The following PROK2 variants were observed in gnomAD, a reference collection of about 807,000 sequenced individuals.
The protein encoded by PROK2 is prokineticin 2.
PROK2 carries 8 observed loss-of-function variants against 14.2 expected under a neutral mutation model. The observed-to-expected ratio is 0.56, with a 90% CI of 0.33 to 1.02. PROK2 has a LOEUF of 1.02. PROK2 is among the 50% of genes least tolerant of loss of function. The probability of loss-of-function intolerance (pLI) is 0.03; values close to 1 mark genes in which losing one functional copy is unlikely to be tolerated. For synonymous variants in PROK2, 59 were observed against 60.7 expected (o/e 0.97, Z 0.13); for missense variants, 154 against 160.4 (o/e 0.96, Z 0.22).
In PROK2 at chr3:71,780,611, G is replaced by A. The variant is rs561601132; in HGVS notation, c.222+856C>T. Among the ~76,000 whole-genome samples the A allele has an allele frequency of 4.6e-5, 7 of 152,310 alleles. No homozygotes were observed. In the South Asian group the frequency reaches 1.2e-3, roughly 27 times the overall value. On this transcript the variant is annotated intron_variant, in intron 2 of 3. Transcript: ENST00000295619. ...GGCACTTTACCAATGGGAAAAATGC[G>A]GAGGTGGGACCAGAGGAAGGCAATG...
intron 2 of PROK2, among the ~76,000 whole-genome samples, chr3:71,776,740 C>T (rs1018480595): frequency 6.6e-6 from 1 of 152,160 alleles, no homozygotes; most frequent in Admixed American, 6.6e-5. Context: ...GACTGGCCCA[C>T]TCACTTCTAG....
At chr3:71,773,411 C>T (rs1372860698) in intron 3 of PROK2, among the ~76,000 whole-genome samples, 2 of 152,172 alleles carry the variant, frequency 1.3e-5, no homozygotes, top group Non-Finnish European at 2.9e-5. Context: ...TGGCCAAGGT[C>T]ACTTATGTAA....
At chr3:71,776,364 ATTTTTTTTTTTT>A (rs58407323) in intron 2 of PROK2, among the ~76,000 whole-genome samples, 1 of 75,442 alleles carries the variant, frequency 1.3e-5, no homozygotes, top group African/African-American at 5.1e-5. Context: ...TTCGCTTTTC[ATTTTTTTTTTTT>A]TTTTTTTTTT....
intron 2 of PROK2, among the ~76,000 whole-genome samples, chr3:71,779,511 T>C (rs980692515): frequency 6.6e-6 from 1 of 152,230 alleles, no homozygotes; most frequent in African/African-American, 2.4e-5. Flanking sequence ...CATAGTTCCA[T>C]GGGATATGTC....
At chr3:71,784,889 C>G (rs908802066) in intron 1 of PROK2, 68 bp downstream of exon 1, 14 of 1,184,072 alleles carry the variant, frequency 1.2e-5, no homozygotes, top group Non-Finnish European at 1.4e-5. Context: ...TCAGGGTCCC[C>G]GTCCCAAGCC....
intron 1 of PROK2, among the ~76,000 whole-genome samples, chr3:71,781,880 C>G (rs2050163124): frequency 6.6e-6 from 1 of 151,880 alleles, no homozygotes; most frequent in East Asian, 1.9e-4. Flanking sequence ...CTCTCTTTTT[C>G]CAGTGCTTTA....
intron 2 of PROK2, among the ~76,000 whole-genome samples, chr3:71,775,465 T>C (rs754020691): frequency 6.6e-5 from 10 of 152,202 alleles, no homozygotes; most frequent in Non-Finnish European, 1.2e-4. Context: ...CATGACACTA[T>C]GATCATTCTC....
rs889328207 is a variant in PROK2, at chr3:71,774,343, C to T, written c.285+102G>A. On this transcript the variant is annotated intron_variant, in intron 3 of 3. Coordinates refer to ENST00000295619, the MANE Select transcript of PROK2 (RefSeq NM_001126128.2). ...GAACCATTCTAATCTTATGTTGGGG[C>T]TGAACTGATAGGACAGACCCAACTC... The T allele has an allele frequency of 8.5e-6, 13 of 1,534,602 alleles. No individual in the cohort carries two copies. In the African/African-American group the frequency reaches 1.7e-4, roughly 20 times the overall value.
chr3:71,776,696 T>C (rs2108192502), intron 2 of PROK2, among the ~76,000 whole-genome samples: 1 of 152,238 alleles, frequency 6.6e-6, no homozygotes, highest in Middle Eastern at 3.4e-3. Flanking sequence ...TGATTTCTGA[T>C]ATTATACACT....
intron 3 of PROK2, among the ~76,000 whole-genome samples, chr3:71,773,825 G>A (rs1317707172): frequency 1.3e-5 from 2 of 152,200 alleles, no homozygotes; most frequent in African/African-American, 2.4e-5. Context: ...AGGGTCAACC[G>A]ACAGCGAGCA....
At chr3:71,778,525 T>C (rs1215364337) in intron 2 of PROK2, among the ~76,000 whole-genome samples, 1 of 152,102 alleles carries the variant, frequency 6.6e-6, no homozygotes, top group Non-Finnish European at 1.5e-5. Context: ...ACTGTTCACT[T>C]GACCCAAATA....
chr3:71,774,418 G>T (rs2050102950), intron 3 of PROK2, 27 bp downstream of exon 3: 2 of 1,551,536 alleles, frequency 1.3e-6, no homozygotes, highest in Non-Finnish European at 1.7e-6. Context: ...ATGTCTTTCG[G>T]TGGTACCACA....
intron 2 of PROK2, among the ~76,000 whole-genome samples, chr3:71,776,199 G>A (rs2050116494): frequency 2.0e-5 from 3 of 152,014 alleles, no homozygotes; most frequent in Non-Finnish European, 4.4e-5. Flanking sequence ...TGCCTTGACT[G>A]ACCCTAACAT....
chr3:71,772,933 G>A, intron 3 of PROK2, 105 bp from the exon 4 acceptor site: 1 of 898,632 alleles, frequency 1.1e-6, no homozygotes, highest in Non-Finnish European at 1.8e-6. Flanking sequence ...AGTGTTTACT[G>A]AGCGTTAACT....
rs139498139 is a variant in PROK2 at position 71,773,651 on chromosome 3, G to A, written c.285+794C>T. On this transcript the variant is annotated intron_variant, in intron 3 of 3. Transcript: ENST00000295619. ...TTCATACATTTGCACACAGATGCCA[G>A]GAGTCAAAATGCTGGGAAAAAACTT... Among the ~76,000 whole-genome samples, 361 of 152,292 alleles carry A rather than the reference G, an allele frequency of 2.4e-3. 1 individual carries two copies. Among genetic ancestry groups the A allele is most frequent in the Non-Finnish European group, 3.8e-3 (258 of 68,022 alleles).
chr3:71,774,377 T>C, intron 3 of PROK2, 68 bp downstream of exon 3: 1 of 1,550,960 alleles, frequency 6.4e-7, no homozygotes, highest in Non-Finnish European at 8.7e-7. Flanking sequence ...TCTATGGTAG[T>C]CCAACAATGT....
Position 71,785,035 on chromosome 3 carries a change from GC to G in PROK2, c.17del (p.Cys6SerfsTer24). 8.0e-7 allele frequency: 1 copy of G among 1,242,252 alleles called. No homozygotes were observed. The highest frequency in any genetic ancestry group is 1.0e-6 in the Non-Finnish European group (1 of 989,426). 77.0% of individuals were successfully genotyped at this position (1,242,252 alleles called of 1,614,324 possible). A position where few individuals can be genotyped will look rare whatever the true frequency, so the allele number is the denominator to read the frequency against. MRSLC[C>X]APLLLLLLLP... Reference sequence around the variant, plus strand: ...GCAGCAAGAGGAGCAGGAGTGGGGCGCAGCACAGGCTCCTCATGGCGCCCTC... The same window carrying G: ...GCAGCAAGAGGAGCAGGAGTGGGGCGAGCACAGGCTCCTCATGGCGCCCTC... On this transcript the variant is annotated frameshift_variant, in exon 1 of 4. Transcript: ENST00000295619. LOFTEE classifies it high-confidence loss of function.
At chr3:71,780,949 C>T (rs1427941950) in intron 2 of PROK2, among the ~76,000 whole-genome samples, 3 of 152,108 alleles carry the variant, frequency 2.0e-5, no homozygotes, top group Non-Finnish European at 2.9e-5. Context: ...TAAATATCAT[C>T]GATCTCTAAA....
chr3:71,784,558 C>T (rs1303725647), intron 1 of PROK2, among the ~76,000 whole-genome samples: 1 of 152,188 alleles, frequency 6.6e-6, no homozygotes, highest in African/African-American at 2.4e-5. Flanking sequence ...CTTTGCATTT[C>T]AGGAAGGGGC....
Sources: gnomAD v4.1 joint callset for allele counts (sites outside exome capture counted in the v4.1 genomes callset) on GRCh38, gnomAD v4.1.1 for gene constraint, MANE v1.5 for transcripts, NCBI Gene and HGNC (gene_info 2026-07-23, HGNC 2026-07-21) for gene names.